AKAP19: variants seen among roughly 807,000 people sequenced by gnomAD.
AKAP19 encodes the protein small A-kinase anchoring protein.
the AKAP19 span, among the ~76,000 whole-genome samples, chr2:189,939,705 T>C: frequency 1.3e-5 from 2 of 152,194 alleles, no homozygotes; most frequent in African/African-American, 4.8e-5. Flanking sequence ...ATGAGATAAT[T>C]TAACAGAGAG....
chr2:190,104,223 C>T, the AKAP19 span, among the ~76,000 whole-genome samples: 1 of 152,196 alleles, frequency 6.6e-6, no homozygotes, highest in African/African-American at 2.4e-5. Context: ...AGACCTCAAA[C>T]TGTAAGAATC....
the AKAP19 span, among the ~76,000 whole-genome samples, chr2:190,178,050 G>A: frequency 6.6e-6 from 1 of 152,076 alleles, no homozygotes; most frequent in Non-Finnish European, 1.5e-5. This position sits in a 1 kb window ranked among gnomAD's most constrained non-coding sequence, Gnocchi z 6.3. Context: ...CTTTTAAAAA[G>A]TTATCTCAGC....
chr2:190,113,888 C>T, the AKAP19 span, among the ~76,000 whole-genome samples: 2 of 152,184 alleles, frequency 1.3e-5, no homozygotes, highest in African/African-American at 4.8e-5. Flanking sequence ...CATACAAGAC[C>T]TTGATTCAGG....
chr2:190,036,769 C>T, the AKAP19 span, among the ~76,000 whole-genome samples: 1 of 152,144 alleles, frequency 6.6e-6, no homozygotes, highest in Non-Finnish European at 1.5e-5. Context: ...CACAGTGAAG[C>T]CCTAGACTAG....
the AKAP19 span, among the ~76,000 whole-genome samples, chr2:189,911,565 A>G: frequency 6.6e-6 from 1 of 152,146 alleles, no homozygotes; most frequent in Non-Finnish European, 1.5e-5. Context: ...CAAATGTTTA[A>G]CATAGAAATT....
chr2:189,989,238 A>C, the AKAP19 span, among the ~76,000 whole-genome samples: 1 of 151,884 alleles, frequency 6.6e-6, no homozygotes, highest in Non-Finnish European at 1.5e-5. Context: ...GAAATAGTGT[A>C]TCTAGCTTCT....
the AKAP19 span, chr2:190,059,958 AGCTTATGAGCT>A: frequency 8.1e-7 from 1 of 1,241,920 alleles, no homozygotes; most frequent in East Asian, 2.5e-5. Context: ...ACCTTTGTCT[AGCTTATGAGCT>A]TAGGGAATTT....
chr2:190,133,129 T>G, the AKAP19 span, among the ~76,000 whole-genome samples: 1 of 149,694 alleles, frequency 6.7e-6, no homozygotes, highest in Admixed American at 6.7e-5. Flanking sequence ...TGCCAGCTAC[T>G]CGGGATGCTG....
chr2:189,910,516 G>A, the AKAP19 span, among the ~76,000 whole-genome samples: 8 of 151,680 alleles, frequency 5.3e-5, no homozygotes, highest in Admixed American at 3.9e-4. Context: ...CTAATCAATT[G>A]TAGTATCATA....
At chr2:189,881,656 C>G in the AKAP19 span, among the ~76,000 whole-genome samples, 1 of 151,886 alleles carries the variant, frequency 6.6e-6, no homozygotes, top group African/African-American at 2.4e-5. Context: ...TACGAAAGCA[C>G]AGCTTAGTTT....
chr2:190,150,249 C>A, the AKAP19 span: 1 of 152,306 alleles, frequency 6.6e-6, no homozygotes, highest in Non-Finnish European at 1.5e-5. Flanking sequence ...TCACCCCATT[C>A]GAATTGTTAC....
the AKAP19 span, among the ~76,000 whole-genome samples, chr2:189,984,862 A>G: frequency 2.2e-4 from 33 of 152,086 alleles, no homozygotes; most frequent in African/African-American, 8.0e-4. Flanking sequence ...TAGTGGTGCG[A>G]TGACGCAAAG....
At chr2:189,917,386 C>A in the AKAP19 span, 1 of 940,168 alleles carries the variant, frequency 1.1e-6, no homozygotes, top group Non-Finnish European at 1.7e-6. Context: ...CATATTTCCT[C>A]ATGCCAGATC....
the AKAP19 span, among the ~76,000 whole-genome samples, chr2:189,927,644 C>T: frequency 6.6e-6 from 1 of 152,146 alleles, no homozygotes; most frequent in African/African-American, 2.4e-5. Context: ...ACATGATGCT[C>T]CTTAACCTCT....
chr2:189,965,235 G>A, the AKAP19 span, among the ~76,000 whole-genome samples: 37 of 152,174 alleles, frequency 2.4e-4, no homozygotes, highest in African/African-American at 6.0e-4. Context: ...TAAGTTTGCC[G>A]TCTTATATGG....
the AKAP19 span, among the ~76,000 whole-genome samples, chr2:189,948,056 ACCTCCTGTGAGACTTAT>A: frequency 2.0e-5 from 3 of 152,090 alleles, no homozygotes; most frequent in Non-Finnish European, 4.4e-5. Context: ...ACATTTGTTT[ACCTCCTGTGAGACTTAT>A]CACAGCGGTA....
the AKAP19 span, among the ~76,000 whole-genome samples, chr2:190,151,647 T>C: frequency 1.3e-5 from 2 of 152,218 alleles, no homozygotes; most frequent in African/African-American, 2.4e-5. Context: ...TCTTTGCTAT[T>C]GTGAATAGTG....
At chr2:190,016,618 A>G in the AKAP19 span, among the ~76,000 whole-genome samples, 1 of 152,220 alleles carries the variant, frequency 6.6e-6, no homozygotes, top group Non-Finnish European at 1.5e-5. Flanking sequence ...TCCTGTTATC[A>G]ATTTCTAGTT....
chr2:189,971,870 T>A, the AKAP19 span, among the ~76,000 whole-genome samples: 3 of 151,894 alleles, frequency 2.0e-5, no homozygotes, highest in East Asian at 5.8e-4. Flanking sequence ...TCTTTGTAGA[T>A]TCTGGATATT....
Sources: allele counts gnomAD v4.1 joint callset (sites outside exome capture counted in the v4.1 genomes callset), GRCh38; gene constraint gnomAD v4.1.1; non-coding constraint Gnocchi (gnomAD v3.1); transcripts MANE v1.5; gene names NCBI Gene and HGNC (gene_info 2026-07-23, HGNC 2026-07-21).